Variants in INTS6 observed in about 807,000 individuals in gnomAD.
The protein encoded by INTS6 is integrator complex subunit 6.
Under a neutral mutation model 104.9 loss-of-function variants are expected in INTS6, and 16 were observed. The ratio of observed to expected loss-of-function variants is 0.15; its 90% confidence interval spans 0.10 to 0.23. The LOEUF is 0.23. INTS6 is among the 10% of genes least tolerant of loss of function. The pLI is 1.00. For synonymous variants in INTS6, 324 were observed against 358.7 expected (o/e 0.90, Z 1.09); for missense variants, 584 against 1,062.8 (o/e 0.55, Z 6.26).
intron 4 of INTS6, among the ~76,000 whole-genome samples, chr13:51,425,614 G>A (rs1219037257): frequency 1.3e-5 from 2 of 152,040 alleles, no homozygotes; most frequent in Non-Finnish European, 2.9e-5. Context: ...AGTACTGGCA[G>A]GATTTCTTCT....
At chr13:51,406,854 C>A (rs569953690) in intron 4 of INTS6, among the ~76,000 whole-genome samples, 11 of 151,730 alleles carry the variant, frequency 7.2e-5, no homozygotes, top group Non-Finnish European at 1.5e-4. Flanking sequence ...TGTGGCCCAA[C>A]ACAAATTTGT....
chr13:51,451,902 A>C, intron 2 of INTS6, 76 bp downstream of exon 2: 22 of 752,962 alleles, frequency 2.9e-5, no homozygotes, highest in East Asian at 1.6e-4. Flanking sequence ...TGAAGGGTGA[A>C]TGGGGGGGCG....
intron 2 of INTS6, 61 bp downstream of exon 2, chr13:51,451,917 G>C: frequency 7.9e-7 from 1 of 1,267,154 alleles, no homozygotes; most frequent in Non-Finnish European, 1.1e-6. Flanking sequence ...GGGGCGGGGA[G>C]GGCGAGCGAG....
At chr13:51,437,374 A>G (rs1183128949) in intron 3 of INTS6, 1 of 152,170 alleles carries the variant, frequency 6.6e-6, no homozygotes, top group Non-Finnish European at 1.5e-5. Context: ...TATCACAAGC[A>G]GACCTTGAAT....
rs1384819406 is a variant in INTS6, at chr13:51,395,179, C to A, written c.613+121G>T. On this transcript the variant is annotated intron_variant, in intron 5 of 17. Transcript: ENST00000311234. ...AAATGTACTATTAAAAGCATATATGCCTAATTCCTAATATTAACTTGTGAA... is the reference window on the plus strand; with the variant it reads ...AAATGTACTATTAAAAGCATATATGACTAATTCCTAATATTAACTTGTGAA... 6 of 921,834 alleles carry A rather than the reference C, an allele frequency of 6.5e-6. No individual in the cohort carries two copies. In the Admixed American group the frequency reaches 1.3e-4, roughly 20 times the overall value. The allele number at this position is 921,834 out of a possible 1,614,324, so 57.1% of individuals were successfully genotyped here. A position where few individuals can be genotyped will look rare whatever the true frequency, so the allele number is the denominator to read the frequency against.
intron 4 of INTS6, among the ~76,000 whole-genome samples, chr13:51,425,417 A>G (rs1015326285): frequency 1.3e-5 from 2 of 152,120 alleles, no homozygotes; most frequent in African/African-American, 4.8e-5. Flanking sequence ...CCAACAGATT[A>G]CTTTGGCTGC....
At chr13:51,377,441 T>C (rs901291731) in intron 12 of INTS6, among the ~76,000 whole-genome samples, 1 of 152,194 alleles carries the variant, frequency 6.6e-6, no homozygotes, top group Non-Finnish European at 1.5e-5. Flanking sequence ...GATTTTTTCC[T>C]ATGTTTTCTT....
downstream of INTS6, among the ~76,000 whole-genome samples, chr13:51,351,378 T>C (rs1955401381): frequency 6.6e-6 from 1 of 152,182 alleles, no homozygotes; most frequent in African/African-American, 2.4e-5. Context: ...GTGGACTTCA[T>C]TTGCATTTCC....
chr13:51,452,667 C>T lies in INTS6; in HGVS notation c.-142G>A. 7.0e-7 allele frequency: 1 copy of T among 1,430,172 alleles called. No individual in the cohort carries two copies. Among genetic ancestry groups the T allele is most frequent in the Non-Finnish European group, 9.2e-7 (1 of 1,091,924 alleles). The allele number at this position is 1,430,172 out of a possible 1,614,324, so 88.6% of individuals were successfully genotyped here. A position where few individuals can be genotyped will look rare whatever the true frequency, so the allele number is the denominator to read the frequency against. On this transcript the variant is annotated 5_prime_UTR_variant, in exon 1 of 18. Coordinates refer to ENST00000311234, the MANE Select transcript of INTS6 (RefSeq NM_012141.3). The surrounding 1 kb of genome is among the most constrained non-coding windows in gnomAD (Gnocchi z 4.2). ...GGAAAACACTGTCTGGGTCTTTCCT[C>T]CGGCTGCGGGGAGTTTCTCCCCCGA...
the INTS6 span, among the ~76,000 whole-genome samples, chr13:51,343,984 G>A: frequency 6.6e-6 from 1 of 152,208 alleles, no homozygotes; most frequent in Non-Finnish European, 1.5e-5. Flanking sequence ...TCTACTGGAT[G>A]TTGGTAGTGT....
chr13:51,434,784 TTC>T (rs1172077608), intron 3 of INTS6, among the ~76,000 whole-genome samples: 4 of 152,116 alleles, frequency 2.6e-5, no homozygotes, highest in African/African-American at 7.2e-5. Flanking sequence ...AATGTCATCT[TTC>T]TCTGTCAACA....
At chr13:51,342,589 A>T in the INTS6 span, among the ~76,000 whole-genome samples, 37 of 152,274 alleles carry the variant, frequency 2.4e-4, no homozygotes, top group Middle Eastern at 3.4e-3. Context: ...CAGAGAAAAG[A>T]TTTCACACAA....
chr13:51,429,179 T>A (rs1323357724), intron 4 of INTS6, among the ~76,000 whole-genome samples: 3 of 152,182 alleles, frequency 2.0e-5, no homozygotes, highest in Non-Finnish European at 4.4e-5. Context: ...CAATTTGTAT[T>A]CCACAATGTC....
At chr13:51,406,881 T>A (rs984445665) in intron 4 of INTS6, among the ~76,000 whole-genome samples, 4 of 151,578 alleles carry the variant, frequency 2.6e-5, no homozygotes, top group Admixed American at 6.6e-5. Context: ...TCTTAAAACA[T>A]TATGAGATTT....
chr13:51,346,011 A>G, the INTS6 span, among the ~76,000 whole-genome samples: 2 of 152,206 alleles, frequency 1.3e-5, no homozygotes, highest in African/African-American at 2.4e-5. Flanking sequence ...TTCACCCCTC[A>G]TAAGTATGTG....
In INTS6 at chr13:51,374,200, A is replaced by G. The variant is rs1218013802; in HGVS notation, c.2104+8T>C. On this transcript the variant is annotated splice_region_variant and intron_variant, in intron 15 of 17. Coordinates refer to ENST00000311234, the MANE Select transcript of INTS6 (RefSeq NM_012141.3). The stretch of plus-strand genomic sequence containing the variant: ...GCAAATAATGTTTAAGAAAAAAACA[A>G]TTCTTACTTTTATGAAGAGGAAGAG... 1 of 1,599,498 alleles carries G rather than the reference A, an allele frequency of 6.3e-7. No homozygotes were observed. Among genetic ancestry groups the G allele is most frequent in the East Asian group, 2.2e-5 (1 of 44,806 alleles).
intron 3 of INTS6, chr13:51,450,565 T>TA (rs1953018397): frequency 1.0e-6 from 1 of 985,428 alleles, no homozygotes; most frequent in Non-Finnish European, 1.2e-6. Context: ...AAAAACTTCT[T>TA]ACCTTTCAGA....
intron 3 of INTS6, among the ~76,000 whole-genome samples, chr13:51,433,631 TA>T (rs1334808458): frequency 6.6e-6 from 1 of 152,262 alleles, no homozygotes; most frequent in African/African-American, 2.4e-5. Flanking sequence ...TAATACTTTT[TA>T]AAGGCCCATG....
At chr13:51,430,975 A>T (rs960261495) in intron 3 of INTS6, among the ~76,000 whole-genome samples, 1 of 152,218 alleles carries the variant, frequency 6.6e-6, no homozygotes, top group African/African-American at 2.4e-5. Context: ...TTACCTAAAG[A>T]AAATGCTTGG....
Sources: gnomAD v4.1 joint callset for allele counts (sites outside exome capture counted in the v4.1 genomes callset) on GRCh38, gnomAD v4.1.1 for gene constraint, Gnocchi (gnomAD v3.1) non-coding constraint, MANE v1.5 for transcripts, NCBI Gene and HGNC (gene_info 2026-07-23, HGNC 2026-07-21) for gene names.